The following CNTNAP5 variants were observed in gnomAD, a reference collection of about 807,000 sequenced individuals.
CNTNAP5 encodes contactin associated protein family member 5.
Under a neutral mutation model 150.2 loss-of-function variants are expected in CNTNAP5, and 72 were observed. The ratio of observed to expected loss-of-function variants is 0.48; its 90% confidence interval spans 0.40 to 0.58. The LOEUF (loss-of-function observed/expected upper bound fraction) is 0.58. Ranked by LOEUF, CNTNAP5 falls within the 20% of genes least tolerant of loss-of-function variation. The pLI is 0.00. For synonymous variants in CNTNAP5, 672 were observed against 619.8 expected (o/e 1.08, Z -1.25); for missense variants, 1,636 against 1,626.2 (o/e 1.01, Z -0.10).
chr2:124,176,842 G>T (rs201064960), intron 1 of CNTNAP5, among the ~76,000 whole-genome samples: 8 of 119,886 alleles, frequency 6.7e-5, no homozygotes, highest in East Asian at 2.3e-4. Context: ...GTTATTGCTG[G>T]TTTTTTTTTT....
At chr2:124,120,308 T>C (rs1418948191) in intron 1 of CNTNAP5, among the ~76,000 whole-genome samples, 2 of 152,076 alleles carry the variant, frequency 1.3e-5, no homozygotes, top group South Asian at 2.1e-4. Flanking sequence ...AGGAAGGCCA[T>C]TGAGGGCAGA....
At chr2:124,392,506 A>T (rs1175105809) in intron 3 of CNTNAP5, among the ~76,000 whole-genome samples, 1 of 152,150 alleles carries the variant, frequency 6.6e-6, no homozygotes, top group Admixed American at 6.5e-5. Context: ...TGGCAGCTTC[A>T]TTGGGAATTA....
At chr2:124,794,454 A>G (rs1228076632) in intron 18 of CNTNAP5, among the ~76,000 whole-genome samples, 1 of 152,174 alleles carries the variant, frequency 6.6e-6, no homozygotes, top group East Asian at 1.9e-4. Flanking sequence ...ATTGATTGAA[A>G]TTTTTCATTA....
At chr2:124,661,269 G>A (rs1291253060) in intron 13 of CNTNAP5, among the ~76,000 whole-genome samples, 1 of 151,976 alleles carries the variant, frequency 6.6e-6, no homozygotes, top group Non-Finnish European at 1.5e-5. Context: ...AACACACATT[G>A]CACATCTGTA....
intron 1 of CNTNAP5, among the ~76,000 whole-genome samples, chr2:124,192,202 G>A (rs1033711035): frequency 3.3e-5 from 5 of 152,208 alleles, no homozygotes; most frequent in African/African-American, 9.6e-5. Context: ...GTGGGGCTCC[G>A]TCCATGGGAT....
At chr2:124,718,943 T>TA (rs35290858) in intron 13 of CNTNAP5, among the ~76,000 whole-genome samples, 23,489 of 138,436 alleles carry the variant, frequency 0.17, 2,065 homozygotes, top group East Asian at 0.24. Context: ...AGACTCCATC[T>TA]AAAAAAAAAA....
intron 13 of CNTNAP5, among the ~76,000 whole-genome samples, chr2:124,732,349 T>C (rs1680289590): frequency 6.6e-6 from 1 of 152,178 alleles, no homozygotes; most frequent in Admixed American, 6.6e-5. Flanking sequence ...ATGAATATTT[T>C]TATTCCTCCA....
intron 4 of CNTNAP5, among the ~76,000 whole-genome samples, chr2:124,428,380 G>C (rs1040450200): frequency 6.6e-6 from 1 of 152,178 alleles, no homozygotes; most frequent in African/African-American, 2.4e-5. Context: ...TCGAGAGCAG[G>C]GACCTCTGTA....
intron 1 of CNTNAP5, among the ~76,000 whole-genome samples, chr2:124,200,663 A>G (rs368860011): frequency 8.5e-5 from 13 of 152,214 alleles, no homozygotes; most frequent in South Asian, 2.1e-4. Context: ...GAAAAACTTT[A>G]TATCTGTTAA....
chr2:124,610,825 G>A (rs1677363186), intron 12 of CNTNAP5, among the ~76,000 whole-genome samples: 1 of 152,044 alleles, frequency 6.6e-6, no homozygotes, highest in South Asian at 2.1e-4. Flanking sequence ...TGGGTGCGGT[G>A]GCATGTGACT....
chr2:124,470,077 T>C (rs763649209), intron 6 of CNTNAP5, among the ~76,000 whole-genome samples: 4 of 152,210 alleles, frequency 2.6e-5, no homozygotes, highest in South Asian at 2.1e-4. Flanking sequence ...TTATATTCCT[T>C]TGGGTATATA....
chr2:124,890,211 C>T (rs1259623394), intron 21 of CNTNAP5, among the ~76,000 whole-genome samples: 1 of 152,082 alleles, frequency 6.6e-6, no homozygotes, highest in Non-Finnish European at 1.5e-5. Context: ...ACAACCTCCA[C>T]ACTTGAAATT....
At chr2:124,059,339 T>G (rs1335478671) in intron 1 of CNTNAP5, among the ~76,000 whole-genome samples, 1 of 152,186 alleles carries the variant, frequency 6.6e-6, no homozygotes, top group Non-Finnish European at 1.5e-5. Flanking sequence ...GAACATCGAA[T>G]AAAGTAAATA....
At chr2:124,053,958 A>G (rs936965589) in intron 1 of CNTNAP5, among the ~76,000 whole-genome samples, 2 of 152,208 alleles carry the variant, frequency 1.3e-5, no homozygotes, top group African/African-American at 4.8e-5. Flanking sequence ...CAGGCCTTGG[A>G]ACCCATGCTG....
At chr2:124,847,465 T>C (rs760170148) in intron 19 of CNTNAP5, among the ~76,000 whole-genome samples, 1 of 152,162 alleles carries the variant, frequency 6.6e-6, no homozygotes, top group Non-Finnish European at 1.5e-5. Context: ...TAACTTTCAT[T>C]GTGCCCCTCC....
intron 7 of CNTNAP5, among the ~76,000 whole-genome samples, chr2:124,486,960 A>C (rs1461737251): frequency 6.6e-6 from 1 of 152,232 alleles, no homozygotes; most frequent in East Asian, 1.9e-4. Context: ...ACAAAAACTT[A>C]TTCATATTTA....
chr2:124,238,784 G>T (rs920721441), intron 2 of CNTNAP5, among the ~76,000 whole-genome samples: 2 of 152,150 alleles, frequency 1.3e-5, no homozygotes, highest in African/African-American at 4.8e-5. Context: ...TAGTGTAGGT[G>T]CAGTGCGTTT....
At chr2:124,823,759 G>A (rs1161522946) in intron 19 of CNTNAP5, among the ~76,000 whole-genome samples, 1 of 152,056 alleles carries the variant, frequency 6.6e-6, no homozygotes, top group Non-Finnish European at 1.5e-5. Context: ...ACCATGGAGG[G>A]CATTGTATAG....
At chr2:124,329,918 T>C (rs1689307355) in intron 3 of CNTNAP5, among the ~76,000 whole-genome samples, 1 of 152,184 alleles carries the variant, frequency 6.6e-6, no homozygotes, top group African/African-American at 2.4e-5. Context: ...AGAAGATTCC[T>C]AGATTTGGGT....
Sources: gnomAD v4.1 joint callset for allele counts (sites outside exome capture counted in the v4.1 genomes callset) on GRCh38, gnomAD v4.1.1 for gene constraint, MANE v1.5 for transcripts, NCBI Gene and HGNC (gene_info 2026-07-23, HGNC 2026-07-21) for gene names.